Variants in NBAS observed in about 807,000 individuals in gnomAD.
NBAS encodes the protein NBAS subunit of NRZ tethering complex.
Under a neutral mutation model 302.5 loss-of-function variants are expected in NBAS, and 219 were observed. That is an observed-to-expected ratio of 0.72 (90% confidence interval 0.65 to 0.81). The LOEUF is 0.81. NBAS is among the 30% of genes least tolerant of loss of function. NBAS has a pLI of 0.00. For missense variants in NBAS, 2,932 were observed against 2,841.6 expected, an observed-to-expected ratio of 1.03 and a Z score of -0.72; for synonymous variants, 1,118 against 1,021.6, an observed-to-expected ratio of 1.09 and a Z score of -1.80.
At chr2:15,066,713 T>C in the NBAS span, among the ~76,000 whole-genome samples, 1 of 152,136 alleles carries the variant, frequency 6.6e-6, no homozygotes, top group African/African-American at 2.4e-5. Context: ...TTGGCAAATA[T>C]GTGGGGAAAA....
At chr2:14,918,835 A>G in the NBAS span, among the ~76,000 whole-genome samples, 53 of 152,256 alleles carry the variant, frequency 3.5e-4, no homozygotes, top group African/African-American at 1.2e-3. Context: ...TGGGAAATGC[A>G]GGGGAGGTGT....
chr2:15,498,650 G>A (rs997332353), intron 11 of NBAS, among the ~76,000 whole-genome samples: 2 of 152,146 alleles, frequency 1.3e-5, no homozygotes, highest in Non-Finnish European at 2.9e-5. Context: ...GATGGGAAGT[G>A]ACTGAACCAT....
chr2:15,559,623 T>A (rs758771654), intron 1 of NBAS, among the ~76,000 whole-genome samples: 32 of 152,148 alleles, frequency 2.1e-4, no homozygotes, highest in Non-Finnish European at 4.3e-4. Context: ...GGAAGAGATA[T>A]AAAGATGAAT....
the NBAS span, among the ~76,000 whole-genome samples, chr2:14,985,233 G>A: frequency 6.6e-6 from 1 of 152,086 alleles, no homozygotes; most frequent in African/African-American, 2.4e-5. Flanking sequence ...ACAGATTTTG[G>A]TCCTATAATG....
the NBAS span, among the ~76,000 whole-genome samples, chr2:15,070,180 G>T: frequency 2.6e-5 from 4 of 152,204 alleles, no homozygotes; most frequent in Admixed American, 2.6e-4. Context: ...AAATGACTAG[G>T]TAGAGTGGCT....
At chr2:15,187,280 A>T (rs1229490512) in intron 49 of NBAS, among the ~76,000 whole-genome samples, 1 of 151,976 alleles carries the variant, frequency 6.6e-6, no homozygotes, top group African/African-American at 2.4e-5. Flanking sequence ...TTTTTCCTTG[A>T]AGAGTTGCCT....
chr2:15,247,609 A>G (rs1198599513), intron 44 of NBAS, among the ~76,000 whole-genome samples: 3 of 152,022 alleles, frequency 2.0e-5, no homozygotes, highest in Admixed American at 2.0e-4. Flanking sequence ...AGATCAAAAG[A>G]GACAAAGAAG....
rs529923029 is a variant in NBAS, at chr2:15,205,852, G to A, written c.6432+12921C>T. On this transcript the variant is annotated intron_variant, in intron 48 of 51. Coordinates refer to ENST00000281513, the MANE Select transcript of NBAS (RefSeq NM_015909.4). ...CCTTCTGTCATGATTATAAGTTTCCGCCATGTGGAACTGTGAATCAATTAA... is the reference window on the plus strand; with the variant it reads ...CCTTCTGTCATGATTATAAGTTTCCACCATGTGGAACTGTGAATCAATTAA... 1.2e-4 allele frequency among the ~76,000 whole-genome samples: 19 copies of A among 152,178 alleles called. No homozygotes were observed. In the East Asian group the frequency reaches 1.4e-3, roughly 11 times the overall value.
At chr2:15,372,458 A>C (rs1029365266) in intron 31 of NBAS, among the ~76,000 whole-genome samples, 2 of 152,194 alleles carry the variant, frequency 1.3e-5, no homozygotes, top group Non-Finnish European at 2.9e-5. Flanking sequence ...GACAAAATGA[A>C]CTACGTACAC....
At chr2:14,854,688 A>C in the NBAS span, among the ~76,000 whole-genome samples, 1 of 152,192 alleles carries the variant, frequency 6.6e-6, no homozygotes, top group Non-Finnish European at 1.5e-5. Flanking sequence ...GTTAGAGCAG[A>C]AAGGAAAACT....
At chr2:15,534,515 C>T (rs1310826076) in intron 9 of NBAS, 28 bp downstream of exon 9, 1 of 1,488,592 alleles carries the variant, frequency 6.7e-7, no homozygotes, top group Non-Finnish European at 9.4e-7. Flanking sequence ...CTATGTCCCA[C>T]TAAATATGAG....
the NBAS span, among the ~76,000 whole-genome samples, chr2:14,794,576 T>A: frequency 6.6e-6 from 1 of 152,212 alleles, no homozygotes; most frequent in South Asian, 2.1e-4. Context: ...TATATATTTA[T>A]ATCAATTTTT....
At chr2:15,000,340 C>T in the NBAS span, among the ~76,000 whole-genome samples, 1 of 152,136 alleles carries the variant, frequency 6.6e-6, no homozygotes, top group Non-Finnish European at 1.5e-5. Flanking sequence ...AGTCAGTTTT[C>T]AATACATAAA....
chr2:15,245,581 A>G (rs955972717), intron 44 of NBAS, among the ~76,000 whole-genome samples: 4 of 151,686 alleles, frequency 2.6e-5, no homozygotes, highest in Non-Finnish European at 4.4e-5. Context: ...TGGCTCATAC[A>G]TAACAAATGC....
chr2:15,459,562 C>T lies in NBAS; in HGVS notation c.2339+1639G>A, dbSNP rs146970205. Among the ~76,000 whole-genome samples, 523 of 149,012 alleles carry T rather than the reference C, an allele frequency of 3.5e-3. 1 individual carries two copies. The highest frequency in any genetic ancestry group is 6.8e-3 in the Non-Finnish European group (457 of 67,686). ...CAGGGGTGCGATAGCTCACTGCAAG[C>T]TCTGTCTCCTGGGTTCACGCCATTC... On this transcript the variant is annotated intron_variant, in intron 21 of 51. Transcript: ENST00000281513.
chr2:15,164,770 G>T (rs1663974236), downstream of NBAS, among the ~76,000 whole-genome samples: 1 of 152,184 alleles, frequency 6.6e-6, no homozygotes, highest in African/African-American at 2.4e-5. Flanking sequence ...GCGTTCTAGA[G>T]AATTTTTCCA....
At chr2:15,417,795 T>C (rs759469243) in intron 23 of NBAS, 83 bp from the exon 24 acceptor site, 15 of 1,285,396 alleles carry the variant, frequency 1.2e-5, no homozygotes, top group Non-Finnish European at 1.6e-5. Flanking sequence ...GTACAGAATC[T>C]AATTCTTATA....
chr2:15,245,119 C>T (rs1242034162), intron 44 of NBAS, among the ~76,000 whole-genome samples: 1 of 152,160 alleles, frequency 6.6e-6, no homozygotes, highest in Admixed American at 6.5e-5. Flanking sequence ...CTTAAAAACA[C>T]ACATCTGCTC....
the NBAS span, among the ~76,000 whole-genome samples, chr2:15,093,639 T>C: frequency 6.6e-6 from 1 of 152,236 alleles, no homozygotes; most frequent in Admixed American, 6.5e-5. Flanking sequence ...TAAGGAACTT[T>C]ATCAGTGTTA....
Sources: allele counts gnomAD v4.1 joint callset (sites outside exome capture counted in the v4.1 genomes callset), GRCh38; gene constraint gnomAD v4.1.1; transcripts MANE v1.5; gene names NCBI Gene and HGNC (gene_info 2026-07-23, HGNC 2026-07-21).